GPATCH2L: variants seen among roughly 807,000 people sequenced by gnomAD.
The protein encoded by GPATCH2L is G patch domain-containing protein 2-like.
GPATCH2L carries 31 observed loss-of-function variants against 57.4 expected under a neutral mutation model. The observed-to-expected ratio is 0.54, with a 90% CI of 0.41 to 0.73. GPATCH2L has a LOEUF of 0.73. Among genes scored for constraint, GPATCH2L ranks in the 30% least tolerant of loss-of-function variants. GPATCH2L has a pLI of 0.00. For synonymous variants in GPATCH2L, 199 were observed against 210.7 expected, an observed-to-expected ratio of 0.94 and a Z score of 0.48; for missense variants, 481 against 599.9, an observed-to-expected ratio of 0.80 and a Z score of 2.07.
chr14:76,160,543 A>T (rs1300103163), intron 2 of GPATCH2L, among the ~76,000 whole-genome samples: 1 of 152,252 alleles, frequency 6.6e-6, no homozygotes, highest in African/African-American at 2.4e-5. Context: ...CTGAAGAGAA[A>T]AAAGTGTTCT....
intron 9 of GPATCH2L, among the ~76,000 whole-genome samples, chr14:76,200,324 A>G (rs2040278923): frequency 6.6e-6 from 1 of 152,184 alleles, no homozygotes; most frequent in Admixed American, 6.5e-5. Flanking sequence ...AAGATAGCAA[A>G]TTTTATGTAT....
In GPATCH2L at chr14:76,201,714, A is replaced by C. The variant is rs1385109859; in HGVS notation, c.1312A>C (p.Thr438Pro). The C allele has an allele frequency of 2.5e-6, 4 of 1,613,446 alleles. No individual in the cohort carries two copies. Among genetic ancestry groups the C allele is most frequent in the Admixed American group, 3.3e-5 (2 of 59,940 alleles). The change falls in exon 10 of 10, where the codon ACC (threonine) becomes CCC (proline). Residue 438 changes from threonine to proline, a missense_variant. Coordinates refer to ENST00000261530, the MANE Select transcript of GPATCH2L (RefSeq NM_017926.4). ...SAVHMDAVEP[T>P]TPASQAPKSP... ...AGTTCACATGGATGCAGTGGAGCCA[A>C]CCACACCAGCATCACAAGCCCCCAA...
At position 76,202,060 on chromosome 14, in the gene GPATCH2L, C is replaced by T. The variant is rs1428078227; in HGVS notation, c.*209C>T. Reference sequence around the variant, plus strand: ...TTTAAATAGTGAAATATTGAGGCAGCAATTTTTTACAAAAAGGTCATCCTC... The same window carrying T: ...TTTAAATAGTGAAATATTGAGGCAGTAATTTTTTACAAAAAGGTCATCCTC... On this transcript the variant is annotated 3_prime_UTR_variant, in exon 10 of 10. Transcript: ENST00000261530. The T allele has an allele frequency of 1.4e-5, 6 of 431,564 alleles. No homozygotes were observed. Among genetic ancestry groups the T allele is most frequent in the Non-Finnish European group, 2.4e-5 (6 of 244,960 alleles). The allele number at this position is 431,564 out of a possible 1,614,324, so 26.7% of individuals were successfully genotyped here.
At chr14:76,177,386 G>C (rs1034452113) in intron 6 of GPATCH2L, among the ~76,000 whole-genome samples, 3 of 151,964 alleles carry the variant, frequency 2.0e-5, no homozygotes, top group African/African-American at 7.3e-5. Flanking sequence ...GGTGAGTGCT[G>C]TAGGAAGCCT....
chr14:76,194,287 T>A (rs1387267953), intron 8 of GPATCH2L, among the ~76,000 whole-genome samples: 1 of 152,218 alleles, frequency 6.6e-6, no homozygotes, highest in East Asian at 1.9e-4. Context: ...TTTGACTTAA[T>A]TTTCTGTACA....
Position 76,213,138 on chromosome 14 carries a change from CAA to C in GPATCH2L, c.*11289_*11290del, listed in dbSNP as rs1403914691. The C allele has an allele frequency of 6.6e-6, 1 of 151,812 alleles. No individual in the cohort carries two copies. Among genetic ancestry groups the C allele is most frequent in the South Asian group, 2.1e-4 (1 of 4,820 alleles). 9.4% of individuals were successfully genotyped at this position (151,812 alleles called of 1,614,324 possible). ...AAAATTAATTAGAAAAATGAGGAAA[CAA>C]AGCTAATTTTTAAAATATGTAGTAA... On this transcript the variant is annotated 3_prime_UTR_variant, in exon 10 of 10. Transcript: ENST00000261530.
At chr14:76,179,040 TC>T (rs2039456156) in intron 7 of GPATCH2L, 1 of 148,040 alleles carries the variant, frequency 6.8e-6, no homozygotes, top group Non-Finnish European at 1.5e-5. Flanking sequence ...GTTGTAGGCT[TC>T]CTGTTTGTTG....
rs1555382895 is a variant in GPATCH2L, at chr14:76,202,562, C to CACACAG, written c.*712_*713insCACAGA. 6.0e-3 allele frequency: 908 copies of CACACAG among 150,172 alleles called. 9 individuals are homozygous for CACACAG. The highest frequency in any genetic ancestry group is 7.1e-3 in the Non-Finnish European group (479 of 67,542). The allele number at this position is 150,172 out of a possible 1,614,324, so 9.3% of individuals were successfully genotyped here. On this transcript the variant is annotated 3_prime_UTR_variant, in exon 10 of 10. Coordinates refer to ENST00000261530, the MANE Select transcript of GPATCH2L (RefSeq NM_017926.4). ...ACACACACACACACACACACACACA[C>CACACAG]AGATTGGTATAATGGAGAAGATGGT...
chr14:76,199,572 C>T (rs529954477), intron 9 of GPATCH2L, among the ~76,000 whole-genome samples: 1 of 152,270 alleles, frequency 6.6e-6, no homozygotes, highest in African/African-American at 2.4e-5. Flanking sequence ...ATGGAAAATA[C>T]TGCACTGTTC....
At chr14:76,195,747 C>T (rs1045311409) in intron 8 of GPATCH2L, 131 bp from the exon 9 acceptor site, 8 of 699,980 alleles carry the variant, frequency 1.1e-5, no homozygotes, top group African/African-American at 1.8e-5. Context: ...TGTCCCAATG[C>T]TTAATGGCAA....
rs2040318658 is a variant in GPATCH2L, at chr14:76,201,926, T to C, written c.*75T>C. Reference sequence around the variant, plus strand: ...TGTTGGACTTTGTGTTAGATAGTCTTGCATATCTTAATCGACATTCCCAGT... The same window carrying C: ...TGTTGGACTTTGTGTTAGATAGTCTCGCATATCTTAATCGACATTCCCAGT... On this transcript the variant is annotated 3_prime_UTR_variant, in exon 10 of 10. Transcript: ENST00000261530. 9.5e-6 allele frequency: 12 copies of C among 1,265,548 alleles called. No homozygotes were observed. The highest frequency in any genetic ancestry group is 1.2e-5 in the Non-Finnish European group (11 of 904,302). 78.4% of individuals were successfully genotyped at this position (1,265,548 alleles called of 1,614,324 possible). A position where few individuals can be genotyped will look rare whatever the true frequency, so the allele number is the denominator to read the frequency against.
downstream of GPATCH2L, among the ~76,000 whole-genome samples, chr14:76,219,174 A>G (rs2139860477): frequency 6.6e-6 from 1 of 152,280 alleles, no homozygotes; most frequent in African/African-American, 2.4e-5. Context: ...GCAAATGAGA[A>G]CTTGGGCAAG....
Position 76,152,475 on chromosome 14 carries a change from T to G in GPATCH2L, c.-11+484T>G, listed in dbSNP as rs2038095700. ...GCAGTTGCCTCCTGCCTCTCCCACC[T>G]CCTACTCCGCCCCTCACTTCCACCC... is the stretch of plus-strand genomic sequence containing the variant. On this transcript the variant is annotated intron_variant, in intron 1 of 9. Transcript: ENST00000261530. 4 of 333,744 alleles carry G rather than the reference T, an allele frequency of 1.2e-5. No homozygotes were observed. In the East Asian group the frequency reaches 3.1e-4, roughly 26 times the overall value. The allele number at this position is 333,744 out of a possible 1,614,324, so 20.7% of individuals were successfully genotyped here.
chr14:76,159,102 G>A (rs984003705), intron 2 of GPATCH2L, among the ~76,000 whole-genome samples: 9 of 152,162 alleles, frequency 5.9e-5, no homozygotes, highest in African/African-American at 2.2e-4. Context: ...AGATCAGGTG[G>A]GGGGATTCAA....
intron 2 of GPATCH2L, among the ~76,000 whole-genome samples, chr14:76,232,684 A>G (rs954223366): frequency 8.5e-5 from 13 of 152,250 alleles, no homozygotes; most frequent in Admixed American, 4.6e-4. Context: ...AGCCAAGGAA[A>G]GAGATGCAAT....
At chr14:76,175,470 C>T (rs146538772) in intron 5 of GPATCH2L, 7 of 151,166 alleles carry the variant, frequency 4.6e-5, no homozygotes, top group Admixed American at 4.0e-4. Flanking sequence ...GCTAATTACA[C>T]AAAGTACTGC....
chr14:76,159,619 G>A (rs1026699255), intron 2 of GPATCH2L, among the ~76,000 whole-genome samples: 5 of 151,998 alleles, frequency 3.3e-5, no homozygotes, highest in South Asian at 2.1e-4. Flanking sequence ...GGAGTGTGCC[G>A]TAAATGAAGG....
intron 5 of GPATCH2L, chr14:76,175,683 A>G (rs563162381): frequency 6.6e-6 from 1 of 152,308 alleles, no homozygotes; most frequent in African/African-American, 2.4e-5. Context: ...ATTTAACTCC[A>G]CTACCGCCCG....
intron 2 of GPATCH2L, among the ~76,000 whole-genome samples, chr14:76,162,772 G>C (rs915145038): frequency 6.6e-6 from 1 of 152,190 alleles, no homozygotes; most frequent in Admixed American, 6.5e-5. Flanking sequence ...TTTTATGTCA[G>C]TATGCTGAAA....
Sources: allele counts gnomAD v4.1 joint callset (sites outside exome capture counted in the v4.1 genomes callset), GRCh38; gene constraint gnomAD v4.1.1; transcripts MANE v1.5; gene names NCBI Gene and HGNC (gene_info 2026-07-23, HGNC 2026-07-21).